Variants in NEDD9 observed in about 807,000 individuals in gnomAD.
NEDD9 encodes enhancer of filamentation 1.
In NEDD9, 26 loss-of-function variants were observed where a neutral mutation model predicts 76.6. The observed-to-expected ratio is 0.34, with a 90% CI of 0.25 to 0.47. The LOEUF is 0.47. Ranked by LOEUF, NEDD9 falls within the 20% of genes least tolerant of loss-of-function variation. The pLI is 1.00. For synonymous variants in NEDD9, 392 were observed against 414.2 expected (o/e 0.95, Z 0.65); for missense variants, 937 against 1,058.5 (o/e 0.89, Z 1.59).
At chr6:11,359,456 C>T (rs943699982) in intron 1 of NEDD9, among the ~76,000 whole-genome samples, 1 of 152,224 alleles carries the variant, frequency 6.6e-6, no homozygotes, top group Non-Finnish European at 1.5e-5. Context: ...GAACAAATGC[C>T]TATCTGTCCC....
intron 1 of NEDD9, among the ~76,000 whole-genome samples, chr6:11,373,041 T>G (rs747859137): frequency 6.6e-6 from 1 of 152,128 alleles, no homozygotes; most frequent in Non-Finnish European, 1.5e-5. Flanking sequence ...ACCAGTTACT[T>G]AAAGCTAACA....
intron 1 of NEDD9, among the ~76,000 whole-genome samples, chr6:11,366,947 G>T (rs1308202563): frequency 6.6e-6 from 1 of 152,182 alleles, no homozygotes; most frequent in Non-Finnish European, 1.5e-5. Flanking sequence ...CTAAATCTTG[G>T]CTGTTAATAT....
intron 2 of NEDD9, among the ~76,000 whole-genome samples, chr6:11,316,217 A>T (rs1160799458): frequency 6.6e-6 from 1 of 152,170 alleles, no homozygotes; most frequent in Non-Finnish European, 1.5e-5. Flanking sequence ...CAGACCTTTG[A>T]GTTTCCTGAA....
intron 1 of NEDD9, chr6:11,214,208 A>G: frequency 1.9e-6 from 1 of 518,604 alleles, no homozygotes; most frequent in South Asian, 1.4e-5. Context: ...TTATATTTGG[A>G]GTTGAAAAGC....
At chr6:11,259,693 T>C (rs1760070410) in intron 3 of NEDD9, among the ~76,000 whole-genome samples, 1 of 152,186 alleles carries the variant, frequency 6.6e-6, no homozygotes, top group Non-Finnish European at 1.5e-5. Context: ...TTCACTTCCC[T>C]TGGAGTTAGA....
rs1276808097 is a variant in NEDD9, at chr6:11,303,472, C to T, written c.12+2520G>A. 7.8e-4 allele frequency among the ~76,000 whole-genome samples: 119 copies of T among 152,150 alleles called. 1 individual carries two copies. Among genetic ancestry groups the T allele is most frequent in the Admixed American group, 7.7e-3 (118 of 15,280 alleles). On this transcript the variant is annotated intron_variant, in intron 3 of 3. Transcript: ENST00000397378. ...TAATTTATAGATTCAGTGTCATCGC[C>T]ATCAAGCTACCTGACTTTCTTTACG... is the stretch of plus-strand genomic sequence containing the variant.
intron 3 of NEDD9, among the ~76,000 whole-genome samples, chr6:11,257,624 G>A (rs890590949): frequency 1.3e-5 from 2 of 152,012 alleles, no homozygotes; most frequent in Non-Finnish European, 1.5e-5. Context: ...CCTTTCTCCC[G>A]AGGTCAACCT....
chr6:11,238,669 C>T (rs1178136564), intron 3 of NEDD9, among the ~76,000 whole-genome samples: 2 of 152,202 alleles, frequency 1.3e-5, no homozygotes, highest in Admixed American at 1.3e-4. Flanking sequence ...TAAAACCTTT[C>T]CTAGAAAAAT....
intron 2 of NEDD9, among the ~76,000 whole-genome samples, chr6:11,324,763 G>A (rs1054384948): frequency 1.0e-5 from 1 of 100,284 alleles, no homozygotes; most frequent in Non-Finnish European, 1.9e-5. Context: ...AGTGTGTTTT[G>A]TCTATGATGA....
At chr6:11,334,520 T>A (rs1343026343) in exon 2 of NEDD9, 2 of 152,246 alleles carry the variant, frequency 1.3e-5, no homozygotes, top group Non-Finnish European at 2.9e-5. Context: ...TCTCCTTGCC[T>A]GTTACTTTCT....
chr6:11,190,700 G>A lies in NEDD9; in HGVS notation c.1169C>T (p.Ser390Phe). 1.2e-6 allele frequency: 2 copies of A among 1,614,154 alleles called. No homozygotes were observed. The highest frequency in any genetic ancestry group is 1.1e-5 in the South Asian group (1 of 91,084). The change falls in exon 5 of 7, where the codon TCC becomes TTC. Residue 390 changes from serine (S) to phenylalanine (F), a missense_variant. Coordinates refer to ENST00000379446, the MANE Select transcript of NEDD9 (RefSeq NM_006403.4). This position sits in a 1 kb window ranked among gnomAD's most constrained non-coding sequence, Gnocchi z 5.8. ...CTGAGCTGGGGAGGCTGACAGTGAGGACTCCTTGGAGGAGGTGGAAGACGT... is the reference window on the plus strand; with the variant it reads ...CTGAGCTGGGGAGGCTGACAGTGAGAACTCCTTGGAGGAGGTGGAAGACGT... ...MSTSSTSSKESSLSASPAQDK... is the reference protein window; with the variant it reads ...MSTSSTSSKEFSLSASPAQDK...
Position 11,370,642 on chromosome 6 carries a change from C to T in NEDD9, c.-214+11497G>A, listed in dbSNP as rs533212428. On this transcript the variant is annotated intron_variant, in intron 1 of 3. Coordinates refer to the NEDD9 transcript ENST00000397378. The surrounding 1 kb of genome is among the most constrained non-coding windows in gnomAD (Gnocchi z 4.2). Reference sequence around the variant, plus strand: ...AGGCTTCCCTGCTTACAGAGAGCTTCTTTCCCTGCCTGGTAGCACCCGTCC... The same window carrying T: ...AGGCTTCCCTGCTTACAGAGAGCTTTTTTCCCTGCCTGGTAGCACCCGTCC... 4.6e-5 allele frequency among the ~76,000 whole-genome samples: 7 copies of T among 152,352 alleles called. No homozygotes were observed. In the South Asian group the frequency reaches 1.5e-3, roughly 32 times the overall value.
At chr6:11,331,373 TG>T (rs568374045) in intron 2 of NEDD9, among the ~76,000 whole-genome samples, 44 of 19,806 alleles carry the variant, frequency 2.2e-3, no homozygotes, top group African/African-American at 0.01. Flanking sequence ...AGCAACAGGG[TG>T]AGGCGGGGGT....
intron 2 of NEDD9, among the ~76,000 whole-genome samples, chr6:11,202,988 C>A (rs925756931): frequency 1.3e-5 from 2 of 152,184 alleles, no homozygotes; most frequent in African/African-American, 4.8e-5. Context: ...AGCAAACCCG[C>A]TCAATGGAAA....
At chr6:11,212,216 C>A (rs1444254448) in intron 2 of NEDD9, among the ~76,000 whole-genome samples, 1 of 152,230 alleles carries the variant, frequency 6.6e-6, no homozygotes, top group Admixed American at 6.5e-5. Context: ...TCAGGGATAT[C>A]TTCTTATCCA....
At chr6:11,324,543 G>T (rs569374077) in intron 2 of NEDD9, among the ~76,000 whole-genome samples, 1 of 152,136 alleles carries the variant, frequency 6.6e-6, no homozygotes, top group Non-Finnish European at 1.5e-5. Flanking sequence ...ATGCTCTGCG[G>T]CCACCGTATT....
chr6:11,375,506 G>A (rs919819976), intron 1 of NEDD9, among the ~76,000 whole-genome samples: 2 of 152,166 alleles, frequency 1.3e-5, no homozygotes, highest in South Asian at 2.1e-4. Context: ...CAAATCTCAC[G>A]CTGAAATGTG....
chr6:11,352,618 G>A (rs1331251734), intron 1 of NEDD9: 1 of 152,160 alleles, frequency 6.6e-6, no homozygotes, highest in Non-Finnish European at 1.5e-5. Flanking sequence ...AATTTTGGCT[G>A]AATTATGTAA....
chr6:11,243,206 C>A (rs1052396972), intron 3 of NEDD9, among the ~76,000 whole-genome samples: 11 of 152,200 alleles, frequency 7.2e-5, no homozygotes, highest in African/African-American at 2.7e-4. Flanking sequence ...CCTGCTCAGT[C>A]CTCCAGGCAT....
Sources: allele counts gnomAD v4.1 joint callset (sites outside exome capture counted in the v4.1 genomes callset), GRCh38; gene constraint gnomAD v4.1.1; non-coding constraint Gnocchi (gnomAD v3.1); transcripts MANE v1.5; gene names NCBI Gene and HGNC (gene_info 2026-07-23, HGNC 2026-07-21).